The following GATB variants were observed in gnomAD, a reference collection of about 807,000 sequenced individuals.
GATB encodes the protein glutamyl-tRNA(Gln) amidotransferase subunit B, mitochondrial.
GATB carries 39 observed loss-of-function variants against 62.3 expected under a neutral mutation model. The observed-to-expected ratio is 0.63, with a 90% CI of 0.48 to 0.82. The LOEUF (loss-of-function observed/expected upper bound fraction) is 0.82, where lower values mean the gene tolerates loss of function less well. Ranked by LOEUF, GATB falls within the 40% of genes least tolerant of loss-of-function variation. The probability of loss-of-function intolerance (pLI) is 0.00; values close to 1 mark genes in which losing one functional copy is unlikely to be tolerated. For missense variants in GATB, 670 were observed against 684.0 expected, an observed-to-expected ratio of 0.98 and a Z score of 0.23; for synonymous variants, 276 against 258.9, an observed-to-expected ratio of 1.07 and a Z score of -0.63.
At chr4:151,676,568 G>A (rs887749524) in intron 11 of GATB, 1 of 152,240 alleles carries the variant, frequency 6.6e-6, no homozygotes, top group African/African-American at 2.4e-5. Context: ...CAGGTTAGCT[G>A]TAACTCTGAC....
At chr4:151,731,358 C>T (rs1739244942) in intron 2 of GATB, among the ~76,000 whole-genome samples, 1 of 152,234 alleles carries the variant, frequency 6.6e-6, no homozygotes, top group African/African-American at 2.4e-5. Flanking sequence ...CACAAGTGAT[C>T]TGCCAGCCTC....
At chr4:151,706,368 G>A (rs1167625536) in intron 6 of GATB, among the ~76,000 whole-genome samples, 9 of 151,958 alleles carry the variant, frequency 5.9e-5, no homozygotes, top group Non-Finnish European at 1.0e-4. Flanking sequence ...CCTAAAATTG[G>A]GCTGCTTTTT....
intron 2 of GATB, among the ~76,000 whole-genome samples, chr4:151,756,629 T>C (rs572787542): frequency 1.3e-5 from 2 of 152,344 alleles, no homozygotes; most frequent in South Asian, 2.1e-4. Context: ...CCAGACTTTG[T>C]CTGCCATTTA....
rs1351461108 is a variant in GATB at position 151,730,730 on chromosome 4, T to A, written c.328-11192A>T. 6.6e-6 allele frequency among the ~76,000 whole-genome samples: 1 copy of A among 152,124 alleles called. No individual in the cohort carries two copies. Among genetic ancestry groups the A allele is most frequent in the Non-Finnish European group, 1.5e-5 (1 of 68,016 alleles). ...CATCCACAGGAAAAGGGAGAGAATA[T>A]TATTACATCAAGGGAACACCCCATG... On this transcript the variant is annotated intron_variant, in intron 2 of 12. Coordinates refer to ENST00000263985, the MANE Select transcript of GATB (RefSeq NM_004564.3). The surrounding 1 kb of genome is among the most constrained non-coding windows in gnomAD (Gnocchi z 4.1).
At chr4:151,750,054 T>G (rs894163238) in intron 2 of GATB, among the ~76,000 whole-genome samples, 1 of 152,134 alleles carries the variant, frequency 6.6e-6, no homozygotes, top group Admixed American at 6.5e-5. Flanking sequence ...GCTAATTTTT[T>G]GTACTTTTAG....
intron 2 of GATB, among the ~76,000 whole-genome samples, chr4:151,738,682 A>T (rs530694226): frequency 1.1e-4 from 17 of 152,356 alleles, no homozygotes; most frequent in African/African-American, 3.6e-4. Context: ...AAAAAGAATC[A>T]GAGATAAGGT....
intron 1 of GATB, among the ~76,000 whole-genome samples, chr4:151,759,607 T>C (rs1343536398): frequency 6.6e-6 from 1 of 152,212 alleles, no homozygotes; most frequent in Non-Finnish European, 1.5e-5. Flanking sequence ...GTTACTTTTT[T>C]AATGCTTATT....
chr4:151,724,179 T>C (rs1032621890), intron 2 of GATB: 3 of 152,166 alleles, frequency 2.0e-5, no homozygotes, highest in Non-Finnish European at 4.4e-5. Context: ...TCTGAGACCA[T>C]CATTTAACAA....
At chr4:151,720,586 G>A (rs145783719) in intron 2 of GATB, 22 of 152,236 alleles carry the variant, frequency 1.4e-4, no homozygotes, top group Middle Eastern at 3.4e-3. Context: ...TACTATTATT[G>A]ATATAGATAG....
intron 10 of GATB, among the ~76,000 whole-genome samples, chr4:151,683,817 G>T (rs1738193466): frequency 6.6e-6 from 1 of 152,182 alleles, no homozygotes; most frequent in Non-Finnish European, 1.5e-5. Flanking sequence ...CTTCCTCACA[G>T]ACCAGCTCCT....
chr4:151,719,760 C>G (rs752379534), intron 2 of GATB: 4 of 381,576 alleles, frequency 1.0e-5, no homozygotes, highest in Non-Finnish European at 1.9e-5. Context: ...CCACCGGGCA[C>G]TTAAGGAACT....
chr4:151,685,247 C>A (rs1738220358), intron 10 of GATB, among the ~76,000 whole-genome samples: 1 of 152,206 alleles, frequency 6.6e-6, no homozygotes, highest in Non-Finnish European at 1.5e-5. Flanking sequence ...CCTCTCTGTT[C>A]CCACTGCACT....
At chr4:151,760,546 G>A (rs990236495) in intron 1 of GATB, among the ~76,000 whole-genome samples, 5 of 152,124 alleles carry the variant, frequency 3.3e-5, no homozygotes, top group African/African-American at 1.2e-4. Flanking sequence ...TTCTGTCTGT[G>A]CACCCTTCAA....
chr4:151,720,371 T>A (rs1194658653), intron 2 of GATB: 1 of 152,200 alleles, frequency 6.6e-6, no homozygotes, highest in Non-Finnish European at 1.5e-5. Context: ...AGTCTCAGTT[T>A]CCTTGTGTCT....
At chr4:151,722,593 T>G in intron 2 of GATB, 1 of 186,226 alleles carries the variant, frequency 5.4e-6, no homozygotes, top group Non-Finnish European at 1.1e-5. Context: ...TTCAAAATCC[T>G]AGTGGGACGT....
intron 11 of GATB, among the ~76,000 whole-genome samples, chr4:151,678,147 G>A (rs1560840103): frequency 1.3e-5 from 2 of 152,012 alleles, no homozygotes; most frequent in Non-Finnish European, 1.5e-5. Flanking sequence ...ACATCACGGG[G>A]ACCCCCTTAA....
At chr4:151,739,561 A>G (rs1336258157) in intron 2 of GATB, among the ~76,000 whole-genome samples, 4 of 152,236 alleles carry the variant, frequency 2.6e-5, no homozygotes, top group African/African-American at 9.6e-5. Flanking sequence ...GGCCAAGCCA[A>G]TGGCCTCAGA....
intron 9 of GATB, among the ~76,000 whole-genome samples, chr4:151,697,439 C>CA (rs1001511640): frequency 2.3e-4 from 35 of 151,648 alleles, no homozygotes; most frequent in African/African-American, 7.3e-4. Flanking sequence ...CCCAGGGACA[C>CA]AGAGTGTGGA....
chr4:151,730,936 T>A lies in GATB; in HGVS notation c.328-11398A>T, dbSNP rs1739231602. 6.6e-6 allele frequency among the ~76,000 whole-genome samples: 1 copy of A among 152,128 alleles called. No homozygotes were observed. Among genetic ancestry groups the A allele is most frequent in the African/African-American group, 2.4e-5 (1 of 41,420 alleles). ...TCCAAATCAAGAAGAAATCCCTGATTTACCTGAAAAAGAATTCAGGAGGTC... is the reference window on the plus strand; with the variant it reads ...TCCAAATCAAGAAGAAATCCCTGATATACCTGAAAAAGAATTCAGGAGGTC... On this transcript the variant is annotated intron_variant, in intron 2 of 12. Coordinates refer to ENST00000263985, the MANE Select transcript of GATB (RefSeq NM_004564.3). The surrounding 1 kb of genome is among the most constrained non-coding windows in gnomAD (Gnocchi z 4.1).
Sources: gnomAD v4.1 joint callset for allele counts (sites outside exome capture counted in the v4.1 genomes callset) on GRCh38, gnomAD v4.1.1 for gene constraint, Gnocchi (gnomAD v3.1) non-coding constraint, MANE v1.5 for transcripts, NCBI Gene and HGNC (gene_info 2026-07-23, HGNC 2026-07-21) for gene names.